DAPK1: variants seen among roughly 807,000 people sequenced by gnomAD.
DAPK1 encodes death-associated protein kinase 1.
In DAPK1, 56 loss-of-function variants were observed where a neutral mutation model predicts 144.9. That is an observed-to-expected ratio of 0.39 (90% CI 0.31 to 0.48). The LOEUF (loss-of-function observed/expected upper bound fraction) is 0.48, where lower values mean the gene tolerates loss of function less well. Ranked by LOEUF, DAPK1 falls within the 20% of genes least tolerant of loss-of-function variation. The pLI, the probability that DAPK1 is intolerant of heterozygous loss-of-function variation, is 0.95. For synonymous variants in DAPK1, 690 were observed against 749.0 expected, an observed-to-expected ratio of 0.92 and a Z score of 1.29; for missense variants, 1,454 against 1,875.4, an observed-to-expected ratio of 0.78 and a Z score of 4.15.
chr9:87,637,009 C>A (rs1829921167), intron 3 of DAPK1, among the ~76,000 whole-genome samples: 1 of 152,096 alleles, frequency 6.6e-6, no homozygotes, highest in Admixed American at 6.5e-5. Context: ...TGACCACTCC[C>A]CTCCACCCAC....
At chr9:87,688,351 C>T (rs1397880840) in intron 21 of DAPK1, among the ~76,000 whole-genome samples, 2 of 152,056 alleles carry the variant, frequency 1.3e-5, no homozygotes, top group African/African-American at 2.4e-5. Context: ...TTGATGGGCG[C>T]CTAGGTTGAC....
At chr9:87,639,220 C>A (rs1830005131) in intron 4 of DAPK1, 134 bp from the exon 5 acceptor site, 2 of 776,028 alleles carry the variant, frequency 2.6e-6, no homozygotes, top group Admixed American at 3.3e-5. Flanking sequence ...TATTTTCCTG[C>A]TGTTCTCTTC....
intron 18 of DAPK1, among the ~76,000 whole-genome samples, chr9:87,667,205 AC>A (rs2119269060): frequency 6.6e-6 from 1 of 152,186 alleles, no homozygotes; most frequent in South Asian, 2.1e-4. Context: ...CACCTAATTC[AC>A]CCCCAAAGCA....
chr9:87,682,473 C>A (rs77343549), intron 20 of DAPK1, among the ~76,000 whole-genome samples: 3,289 of 152,234 alleles, frequency 0.022, 120 homozygotes, highest in African/African-American at 0.07. Flanking sequence ...ACAGAAGAGC[C>A]AGGTCTGTTC....
At chr9:87,660,614 C>T (rs1024914047) in intron 18 of DAPK1, among the ~76,000 whole-genome samples, 1 of 152,014 alleles carries the variant, frequency 6.6e-6, no homozygotes, top group African/African-American at 2.4e-5. Context: ...CAAACAAACT[C>T]CCATCCTCCA....
chr9:87,551,790 G>A (rs36232285), intron 2 of DAPK1, among the ~76,000 whole-genome samples: 4,734 of 152,248 alleles, frequency 0.031, 260 homozygotes, highest in African/African-American at 0.11. Context: ...TAACCAAGCC[G>A]GAGAGAGTCA....
chr9:87,523,582 G>A (rs1825381014), intron 2 of DAPK1, among the ~76,000 whole-genome samples: 2 of 152,142 alleles, frequency 1.3e-5, no homozygotes, highest in African/African-American at 4.8e-5. Context: ...TTACAGATGT[G>A]AGCCACCGTG....
rs372627035 is a variant in DAPK1 at position 87,605,031 on chromosome 9, G to A, written c.140G>A (p.Arg47Lys). The change falls in exon 3 of 26, where the codon AGG becomes AAG. Residue 47 changes from arginine to lysine, a missense_variant. Coordinates refer to ENST00000408954, the MANE Select transcript of DAPK1 (RefSeq NM_004938.4). ...LQYAAKFIKK[R>K]RTKSSRRGVS... ...TATGCCGCCAAATTCATCAAGAAAA[G>A]GAGGACTAAGTCCAGCCGGCGGGGT... The A allele has an allele frequency of 6.8e-6, 11 of 1,614,106 alleles. No individual in the cohort carries two copies. The highest frequency in any genetic ancestry group is 8.5e-6 in the Non-Finnish European group (10 of 1,180,042).
intron 19 of DAPK1, 144 bp from the exon 20 acceptor site, chr9:87,681,260 A>G (rs1587840168): frequency 1.7e-6 from 1 of 600,256 alleles, no homozygotes; most frequent in Non-Finnish European, 2.9e-6. Context: ...TCTGGGCAAC[A>G]AGAGTGAAAC....
intron 2 of DAPK1, among the ~76,000 whole-genome samples, chr9:87,520,218 C>G (rs1345933371): frequency 6.6e-6 from 1 of 152,106 alleles, no homozygotes; most frequent in Non-Finnish European, 1.5e-5. Context: ...GGAGAAGAAG[C>G]AGAGGGTTCC....
At chr9:87,655,457 C>A (rs36214714) in intron 17 of DAPK1, among the ~76,000 whole-genome samples, 3,533 of 152,232 alleles carry the variant, frequency 0.023, 155 homozygotes, top group African/African-American at 0.081. Context: ...GCACATCCAG[C>A]TTTCTAGAGA....
intron 19 of DAPK1, among the ~76,000 whole-genome samples, chr9:87,671,509 G>T (rs76392149): frequency 4.7e-5 from 7 of 149,444 alleles, no homozygotes; most frequent in African/African-American, 1.5e-4. Context: ...TTTTTTCTTT[G>T]TTTTTTTTTG....
intron 2 of DAPK1, among the ~76,000 whole-genome samples, chr9:87,555,234 T>A (rs112168559): frequency 6.6e-6 from 1 of 152,218 alleles, no homozygotes; most frequent in African/African-American, 2.4e-5. Flanking sequence ...GCTGTCCCGT[T>A]AGGGCATTTC....
At chr9:87,562,481 GC>G (rs1285871812) in intron 2 of DAPK1, among the ~76,000 whole-genome samples, 1 of 152,182 alleles carries the variant, frequency 6.6e-6, no homozygotes, top group Non-Finnish European at 1.5e-5. Context: ...AAGTCACATG[GC>G]CACACTCAAT....
At chr9:87,657,991 G>C in intron 17 of DAPK1, 38 bp from the exon 18 acceptor site, 1 of 800,598 alleles carries the variant, frequency 1.2e-6, no homozygotes, top group Non-Finnish European at 2.2e-6. Flanking sequence ...GCAACTGCGT[G>C]AGAAGAACGA....
At chr9:87,508,443 C>T (rs564566384) in intron 2 of DAPK1, among the ~76,000 whole-genome samples, 24 of 147,192 alleles carry the variant, frequency 1.6e-4, no homozygotes, top group Admixed American at 4.8e-4. Flanking sequence ...CCCGGGTTCA[C>T]GCCATTCTCC....
intron 3 of DAPK1, among the ~76,000 whole-genome samples, chr9:87,625,152 A>AGG (rs1491306229): frequency 0.035 from 5,364 of 152,054 alleles, 176 homozygotes; most frequent in East Asian, 0.12. Flanking sequence ...TCTCACAGAA[A>AGG]CAGTTTGTTA....
rs1174910179 is a variant in DAPK1, at chr9:87,706,080, C to T, written c.3061-52C>T. On this transcript the variant is annotated intron_variant, in intron 25 of 25. Coordinates refer to ENST00000408954, the MANE Select transcript of DAPK1 (RefSeq NM_004938.4). This position sits in a 1 kb window ranked among gnomAD's most constrained non-coding sequence, Gnocchi z 9.0. Reference sequence around the variant, plus strand: ...CCTTTAGTGCTCTAAGTGGCTGGTGCACCTGGCCAGGGCTCTGTCCCTAAG... The same window carrying T: ...CCTTTAGTGCTCTAAGTGGCTGGTGTACCTGGCCAGGGCTCTGTCCCTAAG... 7.1e-7 allele frequency: 1 copy of T among 1,413,860 alleles called. No homozygotes were observed. The highest frequency in any genetic ancestry group is 1.3e-5 in the South Asian group (1 of 77,328). 87.6% of individuals were successfully genotyped at this position (1,413,860 alleles called of 1,614,324 possible). A position where few individuals can be genotyped will look rare whatever the true frequency, so the allele number is the denominator to read the frequency against.
At chr9:87,548,847 C>T (rs1322356045) in intron 2 of DAPK1, among the ~76,000 whole-genome samples, 1 of 150,900 alleles carries the variant, frequency 6.6e-6, no homozygotes, top group African/African-American at 2.4e-5. Context: ...AAAATCCACC[C>T]TCCACAGTAG....
Sources: gnomAD v4.1 joint callset for allele counts (sites outside exome capture counted in the v4.1 genomes callset) on GRCh38, gnomAD v4.1.1 for gene constraint, Gnocchi (gnomAD v3.1) non-coding constraint, MANE v1.5 for transcripts, NCBI Gene and HGNC (gene_info 2026-07-23, HGNC 2026-07-21) for gene names.